Variants in TRIM44 observed in about 807,000 individuals in gnomAD.
TRIM44 encodes the protein tripartite motif containing 44.
A neutral mutation model predicts 37.4 loss-of-function variants in TRIM44; 13 were observed. The observed-to-expected ratio is 0.35, with a 90% CI of 0.23 to 0.55. TRIM44 has a LOEUF of 0.55. Among genes scored for constraint, TRIM44 ranks in the 20% least tolerant of loss-of-function variants. The probability of loss-of-function intolerance (pLI) is 0.89; values close to 1 mark genes in which losing one functional copy is unlikely to be tolerated. For synonymous variants in TRIM44, 175 were observed against 157.2 expected (o/e 1.11, Z -0.85); for missense variants, 426 against 437.2 (o/e 0.97, Z 0.23).
chr11:35,759,449 C>A (rs1461245457), intron 4 of TRIM44, among the ~76,000 whole-genome samples: 2 of 152,172 alleles, frequency 1.3e-5, no homozygotes, highest in East Asian at 3.8e-4. Flanking sequence ...GTTCGAACTT[C>A]TTCCTTTAGC....
intron 4 of TRIM44, among the ~76,000 whole-genome samples, chr11:35,773,534 C>CAT (rs1369668837): frequency 2.0e-5 from 3 of 152,170 alleles, no homozygotes; most frequent in African/African-American, 7.2e-5. Context: ...AGGTTTGTTA[C>CAT]ATATATATAC....
At chr11:35,779,206 G>T (rs1853023725) in intron 4 of TRIM44, among the ~76,000 whole-genome samples, 1 of 152,200 alleles carries the variant, frequency 6.6e-6, no homozygotes, top group African/African-American at 2.4e-5. Flanking sequence ...GTGCTTGCTA[G>T]CAGTGAGCGA....
At chr11:35,740,120 G>T (rs905790326) in intron 4 of TRIM44, among the ~76,000 whole-genome samples, 5 of 130,394 alleles carry the variant, frequency 3.8e-5, no homozygotes, top group African/African-American at 1.5e-4. Flanking sequence ...AAAAAAAAAA[G>T]GTACCTTTGA....
chr11:35,735,504 CT>C, intron 4 of TRIM44, 59 bp downstream of exon 4: 2 of 1,535,496 alleles, frequency 1.3e-6, no homozygotes, highest in Non-Finnish European at 1.8e-6. Flanking sequence ...CATTTGTGGC[CT>C]TTTAGTGCTC....
intron 2 of TRIM44, among the ~76,000 whole-genome samples, chr11:35,711,395 A>G (rs1851970166): frequency 6.6e-6 from 1 of 151,794 alleles, no homozygotes; most frequent in Non-Finnish European, 1.5e-5. Flanking sequence ...AAGTTCAGGA[A>G]TTGCCCTATC....
intron 2 of TRIM44, among the ~76,000 whole-genome samples, chr11:35,711,532 A>G (rs947370554): frequency 2.0e-5 from 3 of 151,684 alleles, no homozygotes; most frequent in African/African-American, 7.3e-5. Context: ...TGTTGGGAAA[A>G]TAAGTGAGAT....
In TRIM44 at chr11:35,807,523, C is replaced by G. The variant is rs1246140809; in HGVS notation, c.*1138C>G. 2 of 152,114 alleles carry G rather than the reference C, an allele frequency of 1.3e-5. No homozygotes were observed. Among genetic ancestry groups the G allele is most frequent in the Admixed American group, 1.3e-4 (2 of 15,258 alleles). The allele number at this position is 152,114 out of a possible 1,614,324, so 9.4% of individuals were successfully genotyped here. On this transcript the variant is annotated 3_prime_UTR_variant, in exon 5 of 5. Transcript: ENST00000299413. ...TGGACTTCCTTGCTTTTCTCTACTTCCAAATCACAATTTCTTACAACCAAG... is the reference window on the plus strand; with the variant it reads ...TGGACTTCCTTGCTTTTCTCTACTTGCAAATCACAATTTCTTACAACCAAG...
At chr11:35,748,976 A>T (rs765014436) in intron 4 of TRIM44, among the ~76,000 whole-genome samples, 8 of 152,180 alleles carry the variant, frequency 5.3e-5, no homozygotes, top group Admixed American at 6.5e-5. Context: ...TGTATTTTTC[A>T]TGGGAAAAAA....
At chr11:35,696,273 C>G (rs1851697119) in intron 2 of TRIM44, among the ~76,000 whole-genome samples, 1 of 151,476 alleles carries the variant, frequency 6.6e-6, no homozygotes. Context: ...TCCTGAGTAG[C>G]TGGGACTACA....
At chr11:35,792,111 A>ACACACACACTCT (rs796092540) in intron 4 of TRIM44, among the ~76,000 whole-genome samples, 4,654 of 113,970 alleles carry the variant, frequency 0.041, 121 homozygotes, top group Non-Finnish European at 0.061. Context: ...ACACACACAC[A>ACACACACACTCT]CTCTCTCTCA....
intron 1 of TRIM44, among the ~76,000 whole-genome samples, chr11:35,673,979 T>C (rs1851431080): frequency 6.6e-6 from 1 of 151,996 alleles, no homozygotes; most frequent in Admixed American, 6.6e-5. Flanking sequence ...TGGTTCAGTC[T>C]GAGAGGACCA....
At chr11:35,712,537 G>T (rs1052832910) in intron 2 of TRIM44, among the ~76,000 whole-genome samples, 4 of 152,062 alleles carry the variant, frequency 2.6e-5, no homozygotes, top group African/African-American at 9.7e-5. Flanking sequence ...AAAAACTAAG[G>T]TGGGCATGGT....
rs199762963 is a variant in TRIM44 at position 35,681,779 on chromosome 11, TG to T, written c.670-3478del. Among the ~76,000 whole-genome samples, 167 of 152,204 alleles carry T rather than the reference TG, an allele frequency of 1.1e-3. 3 individuals carry two copies. In the East Asian group the frequency reaches 0.029, roughly 27 times the overall value. ...TTTCTGTTCACTGGTTCCCTAACTA[TG>T]GAACAAATGAGGATATAATCTCCTG... On this transcript the variant is annotated intron_variant, in intron 1 of 4. Transcript: ENST00000299413.
At chr11:35,684,699 T>G (rs1393038826) in intron 1 of TRIM44, among the ~76,000 whole-genome samples, 1 of 152,150 alleles carries the variant, frequency 6.6e-6, no homozygotes, top group Non-Finnish European at 1.5e-5. Context: ...TTTTTGGTGT[T>G]GAACTCCTGG....
chr11:35,730,020 G>A (rs1852234828), intron 3 of TRIM44, among the ~76,000 whole-genome samples: 1 of 152,158 alleles, frequency 6.6e-6, no homozygotes, highest in African/African-American at 2.4e-5. Flanking sequence ...GGAGAAAAGA[G>A]AATTGATATA....
intron 4 of TRIM44, among the ~76,000 whole-genome samples, chr11:35,759,484 C>G (rs900830118): frequency 4.6e-5 from 7 of 152,148 alleles, no homozygotes; most frequent in African/African-American, 1.7e-4. Flanking sequence ...TCATCTGAAG[C>G]CTTCTTCTCT....
At chr11:35,783,038 G>T (rs1456859172) in intron 4 of TRIM44, among the ~76,000 whole-genome samples, 2 of 152,130 alleles carry the variant, frequency 1.3e-5, no homozygotes, top group African/African-American at 4.8e-5. Flanking sequence ...AGCTCATATT[G>T]GTTGTAGGTA....
rs35522287 is a variant in TRIM44 at position 35,665,586 on chromosome 11, G to GTTTTTTTTTTTTTTTTTTTTTTTT, written c.669+1809_669+1832dup. Among the ~76,000 whole-genome samples, 5 of 71,518 alleles carry GTTTTTTTTTTTTTTTTTTTTTTTT rather than the reference G, an allele frequency of 7.0e-5. 2 individuals are homozygous for GTTTTTTTTTTTTTTTTTTTTTTTT. Among genetic ancestry groups the GTTTTTTTTTTTTTTTTTTTTTTTT allele is most frequent in the Non-Finnish European group, 5.4e-5 (2 of 37,066 alleles). The allele number at this position is 71,518 out of a possible 152,430, so 46.9% of individuals were successfully genotyped here. On this transcript the variant is annotated intron_variant, in intron 1 of 4. Transcript: ENST00000299413. ...TCATTATATGAGTTTTTATATATCT[G>GTTTTTTTTTTTTTTTTTTTTTTTT]TTTTTTTTTTTTTTTTTTTTTTTTT...
chr11:35,673,016 T>C (rs915309150), intron 1 of TRIM44, among the ~76,000 whole-genome samples: 3 of 152,200 alleles, frequency 2.0e-5, no homozygotes, highest in African/African-American at 7.2e-5. Flanking sequence ...AGTTCTGGGA[T>C]TTCCAATCAA....
Sources: gnomAD v4.1 joint callset for allele counts (sites outside exome capture counted in the v4.1 genomes callset) on GRCh38, gnomAD v4.1.1 for gene constraint, MANE v1.5 for transcripts, NCBI Gene and HGNC (gene_info 2026-07-23, HGNC 2026-07-21) for gene names.